CHRNA7: variants seen among roughly 807,000 people sequenced by gnomAD.
The protein encoded by CHRNA7 is cholinergic receptor nicotinic alpha 7 subunit.
Under a neutral mutation model 48.0 loss-of-function variants are expected in CHRNA7, and 17 were observed. The observed-to-expected ratio is 0.35, with a 90% CI of 0.24 to 0.53. The LOEUF (loss-of-function observed/expected upper bound fraction) is 0.53. Among genes scored for constraint, CHRNA7 ranks in the 20% least tolerant of loss-of-function variants. CHRNA7 has a pLI of 0.92. For synonymous variants in CHRNA7, 75 were observed against 242.3 expected (o/e 0.31, Z 6.41); for missense variants, 155 against 577.7 (o/e 0.27, Z 7.50).
chr15:32,108,743 G>A (rs2050713832), intron 3 of CHRNA7, among the ~76,000 whole-genome samples: 1 of 152,062 alleles, frequency 6.6e-6, no homozygotes, highest in Non-Finnish European at 1.5e-5. Flanking sequence ...TGTAAAATGG[G>A]GAAATCTCTC....
chr15:32,167,538 C>T (rs2052233836), intron 9 of CHRNA7: 5 of 204,916 alleles, frequency 2.4e-5, no homozygotes, highest in Non-Finnish European at 4.4e-5. Flanking sequence ...TTGCAGTGGC[C>T]TTCCAGGGCA....
intron 2 of CHRNA7, among the ~76,000 whole-genome samples, chr15:32,084,250 T>C (rs2050260315): frequency 6.6e-6 from 1 of 152,240 alleles, no homozygotes; most frequent in Non-Finnish European, 1.5e-5. Context: ...GTGACAGCAA[T>C]ATGAACTAAG....
At chr15:32,150,904 C>G (rs1439776628) in intron 4 of CHRNA7, among the ~76,000 whole-genome samples, 1 of 151,492 alleles carries the variant, frequency 6.6e-6, no homozygotes, top group East Asian at 2.1e-4. Context: ...ACATCTTGAT[C>G]CTACCTCCTC....
At chr15:32,112,250 C>T (rs556694847) in intron 4 of CHRNA7, 5 of 470,970 alleles carry the variant, frequency 1.1e-5, no homozygotes, top group South Asian at 7.7e-5. Context: ...TTATGACCAA[C>T]AGCAGGAAGT....
Position 32,031,907 on chromosome 15 carries a change from G to A in CHRNA7, c.195+870G>A, listed in dbSNP as rs534239671. ...GTGGAGCACCCTGGAGTGTGGCAGG[G>A]TGGGGCACAGGGATAATAATGTTCA... On this transcript the variant is annotated intron_variant, in intron 2 of 9. Coordinates refer to ENST00000306901, the MANE Select transcript of CHRNA7 (RefSeq NM_000746.6). 1.2e-4 allele frequency among the ~76,000 whole-genome samples: 18 copies of A among 152,346 alleles called. No homozygotes were observed. The South Asian group carries it at 3.1e-3, about 26-fold the overall frequency.
chr15:32,066,975 A>G (rs142489680), intron 2 of CHRNA7, among the ~76,000 whole-genome samples: 111 of 152,260 alleles, frequency 7.3e-4, no homozygotes, highest in African/African-American at 2.5e-3. Context: ...AACTGAGTTT[A>G]TCCCATCTGA....
At chr15:32,067,649 T>TC (rs2049987791) in intron 2 of CHRNA7, among the ~76,000 whole-genome samples, 1 of 152,246 alleles carries the variant, frequency 6.6e-6, no homozygotes, top group South Asian at 2.1e-4. Context: ...ACTCTTTTTT[T>TC]CTCCTCTCTG....
At chr15:32,102,880 A>G (rs971809336) in intron 3 of CHRNA7, 4 of 152,258 alleles carry the variant, frequency 2.6e-5, no homozygotes, top group South Asian at 2.1e-4. Flanking sequence ...TATCAAATGT[A>G]TCAGCTGACA....
At position 32,062,257 on chromosome 15, in the gene CHRNA7, A is replaced by G. The variant is rs376074074; in HGVS notation, c.195+31220A>G. Among the ~76,000 whole-genome samples, 97 of 152,342 alleles carry G rather than the reference A, an allele frequency of 6.4e-4. No individual in the cohort carries two copies. The South Asian group carries it at 0.019, about 30-fold the overall frequency. On this transcript the variant is annotated intron_variant, in intron 2 of 9. Transcript: ENST00000306901. ...CTCTCTACCTCCACTACCACGCATA[A>G]TTAACACACTTCCCTTCATTTATCA...
At chr15:32,076,002 A>G (rs1022487974) in intron 2 of CHRNA7, among the ~76,000 whole-genome samples, 2 of 151,990 alleles carry the variant, frequency 1.3e-5, no homozygotes, top group African/African-American at 4.8e-5. Context: ...ATATTTTCCT[A>G]TTATTCTTCC....
chr15:32,127,397 CTT>C (rs1173811351), intron 4 of CHRNA7, among the ~76,000 whole-genome samples: 1 of 152,138 alleles, frequency 6.6e-6, no homozygotes, highest in African/African-American at 2.4e-5. Context: ...CTGCCATACT[CTT>C]TTCCAGAGTG....
intron 2 of CHRNA7, among the ~76,000 whole-genome samples, chr15:32,065,550 C>T (rs1012827581): frequency 6.6e-6 from 1 of 152,256 alleles, no homozygotes; most frequent in Non-Finnish European, 1.5e-5. Flanking sequence ...AAAGGAAAGG[C>T]TGGGGAATTC....
intron 2 of CHRNA7, among the ~76,000 whole-genome samples, chr15:32,095,873 G>T (rs2050460760): frequency 6.6e-6 from 1 of 152,168 alleles, no homozygotes; most frequent in African/African-American, 2.4e-5. Flanking sequence ...ATCACATCAT[G>T]GTTCAAAACA....
At chr15:32,044,873 G>A (rs1293812360) in intron 2 of CHRNA7, among the ~76,000 whole-genome samples, 1 of 152,206 alleles carries the variant, frequency 6.6e-6, no homozygotes. Context: ...ACAGTGCTGA[G>A]ATGGAGAAGA....
chr15:32,038,417 G>A (rs1231377793), intron 2 of CHRNA7, among the ~76,000 whole-genome samples: 1 of 151,952 alleles, frequency 6.6e-6, no homozygotes. Context: ...TTTGTAGCCT[G>A]TTGATGTAAT....
chr15:32,099,168 C>G (rs937268069), intron 2 of CHRNA7: 8 of 152,248 alleles, frequency 5.3e-5, no homozygotes, highest in African/African-American at 1.9e-4. Context: ...AGAGGACAGC[C>G]TCTGTGTGTG....
At chr15:32,119,491 A>G (rs2050930156) in intron 4 of CHRNA7, among the ~76,000 whole-genome samples, 2 of 152,188 alleles carry the variant, frequency 1.3e-5, no homozygotes, top group Admixed American at 1.3e-4. Context: ...TGGGGAAGCC[A>G]GGGTTCAGAG....
intron 8 of CHRNA7, chr15:32,162,776 C>T (rs1325345046): frequency 5.5e-5 from 1 of 18,324 alleles, no homozygotes; most frequent in Non-Finnish European, 1.3e-4. Context: ...CTGAAGTTCT[C>T]GTCCTGAAAA....
intron 3 of CHRNA7, among the ~76,000 whole-genome samples, chr15:32,110,628 A>C (rs892824423): frequency 3.9e-5 from 6 of 152,160 alleles, no homozygotes; most frequent in Admixed American, 3.9e-4. Flanking sequence ...CAATAGCTCT[A>C]GGCCCACAGC....
Sources: allele counts gnomAD v4.1 joint callset (sites outside exome capture counted in the v4.1 genomes callset), GRCh38; gene constraint gnomAD v4.1.1; transcripts MANE v1.5; gene names NCBI Gene and HGNC (gene_info 2026-07-23, HGNC 2026-07-21).